The following HERC4 variants were observed in gnomAD, a reference collection of about 807,000 sequenced individuals.
HERC4 encodes probable E3 ubiquitin-protein ligase HERC4.
Under a neutral mutation model 124.3 loss-of-function variants are expected in HERC4, and 28 were observed. That is an observed-to-expected ratio of 0.23 (90% CI 0.17 to 0.31). The LOEUF is 0.31. HERC4 is among the 10% of genes least tolerant of loss of function. The pLI is 1.00. For missense variants in HERC4, 713 were observed against 1,229.3 expected, an observed-to-expected ratio of 0.58 and a Z score of 6.28; for synonymous variants, 407 against 421.5, an observed-to-expected ratio of 0.97 and a Z score of 0.42.
chr10:67,944,966 T>A (rs954909268), intron 19 of HERC4, among the ~76,000 whole-genome samples: 3 of 152,048 alleles, frequency 2.0e-5, no homozygotes, highest in Admixed American at 6.6e-5. Context: ...GAGAATCGCC[T>A]CAAAAGGGCA....
At chr10:68,059,282 T>C (rs1002107730) in intron 3 of HERC4, among the ~76,000 whole-genome samples, 2 of 151,228 alleles carry the variant, frequency 1.3e-5, no homozygotes, top group Non-Finnish European at 2.9e-5. Flanking sequence ...TAGAGAAAAT[T>C]GACGGGTTGA....
In HERC4 at chr10:67,941,947, T is replaced by C. The variant is rs1012977956; in HGVS notation, c.2338-842A>G. ...CTGGGATTACAGGCGTGAGCCACCGTGCCTGGCCAAAACATGACTTTTTAA... is the reference window on the plus strand; with the variant it reads ...CTGGGATTACAGGCGTGAGCCACCGCGCCTGGCCAAAACATGACTTTTTAA... On this transcript the variant is annotated intron_variant, in intron 19 of 24. Transcript: ENST00000373700. 3.9e-5 allele frequency among the ~76,000 whole-genome samples: 6 copies of C among 152,216 alleles called. 1 individual carries two copies. Among genetic ancestry groups the C allele is most frequent in the Admixed American group, 3.9e-4 (6 of 15,278 alleles).
At chr10:68,007,575 CGTACTTGTTT>C (rs2037648505) in intron 9 of HERC4, 1 of 152,058 alleles carries the variant, frequency 6.6e-6, no homozygotes, top group African/African-American at 2.4e-5. Flanking sequence ...CTTTGCAGTC[CGTACTTGTTT>C]GTACCTGAAC....
intron 24 of HERC4, among the ~76,000 whole-genome samples, chr10:67,924,433 TCCTAGGCTACAAAC>T (rs988785618): frequency 5.9e-5 from 9 of 152,196 alleles, no homozygotes; most frequent in Admixed American, 1.3e-4. Flanking sequence ...GCCCTATTGC[TCCTAGGCTACAAAC>T]CTGTACAGCA....
At chr10:68,063,138 A>T (rs1201421567) in intron 3 of HERC4, among the ~76,000 whole-genome samples, 1 of 152,122 alleles carries the variant, frequency 6.6e-6, no homozygotes, top group Non-Finnish European at 1.5e-5. Context: ...TTTGTTTTCT[A>T]TTCCCTACTA....
chr10:67,939,628 G>A lies in HERC4; in HGVS notation c.2531C>T (p.Pro844Leu). The change falls in exon 21 of 25, where the codon CCA becomes CTA. Residue 844 changes from proline (P) to leucine (L), a missense_variant. By Grantham distance (98) the Pro-to-Leu change is moderately conservative. Transcript: ENST00000373700. ...AAATGTTTCCTCTATGTCATCTTCT[G>A]GATAATCCAGTAACTGTTGCATGCT... ...GRSMQQLLDY[P>L]EDDIEETFCL... is the part of the protein sequence containing the mutation. 1 of 1,607,088 alleles carries A rather than the reference G, an allele frequency of 6.2e-7. No homozygotes were observed. The highest frequency in any genetic ancestry group is 8.5e-7 in the Non-Finnish European group (1 of 1,176,768).
intron 9 of HERC4, chr10:67,994,781 G>A (rs943347770): frequency 2.6e-5 from 4 of 152,106 alleles, no homozygotes; most frequent in African/African-American, 9.8e-5. Context: ...GGGTTGGAGT[G>A]CAGTGGCATG....
chr10:67,948,856 G>C (rs1589156809), intron 19 of HERC4, among the ~76,000 whole-genome samples: 1 of 152,180 alleles, frequency 6.6e-6, no homozygotes, highest in East Asian at 1.9e-4. Flanking sequence ...GGGAGGCAGA[G>C]GTTGCAGTGA....
chr10:67,946,992 AAGAG>A (rs928465682), intron 19 of HERC4, among the ~76,000 whole-genome samples: 5 of 151,756 alleles, frequency 3.3e-5, no homozygotes, highest in Admixed American at 1.3e-4. Flanking sequence ...ATTACCGCTA[AAGAG>A]AGAGAGAGAG....
intron 22 of HERC4, among the ~76,000 whole-genome samples, chr10:67,933,777 T>C (rs2032073361): frequency 6.6e-6 from 1 of 152,200 alleles, no homozygotes. Flanking sequence ...GTTCTTATTC[T>C]AAGTATCTTA....
chr10:67,997,942 G>T (rs549147964), intron 9 of HERC4, among the ~76,000 whole-genome samples: 1 of 151,974 alleles, frequency 6.6e-6, no homozygotes, highest in Non-Finnish European at 1.5e-5. Flanking sequence ...TCGCTCTGTC[G>T]CCAGGCTGGA....
Position 67,959,644 on chromosome 10 carries a change from A to AC in HERC4, c.1927-2669dup, listed in dbSNP as rs1173081205. 4.6e-5 allele frequency among the ~76,000 whole-genome samples: 7 copies of AC among 151,888 alleles called. No homozygotes were observed. In the South Asian group the frequency reaches 1.2e-3, roughly 27 times the overall value. On this transcript the variant is annotated intron_variant, in intron 16 of 24. Coordinates refer to ENST00000373700, the MANE Select transcript of HERC4 (RefSeq NM_015601.4). ...TTGTTTTTATTTGACAGAAAAAAAAACAGTAAAACATAAGGTATCTTACAT... is the reference window on the plus strand; with the variant it reads ...TTGTTTTTATTTGACAGAAAAAAAAACCAGTAAAACATAAGGTATCTTACAT...
At chr10:67,996,568 C>T (rs1446050470) in intron 9 of HERC4, among the ~76,000 whole-genome samples, 1 of 152,088 alleles carries the variant, frequency 6.6e-6, no homozygotes, top group African/African-American at 2.4e-5. Context: ...GGGTTAAAAT[C>T]ATTAATACTT....
chr10:68,069,208 A>C, intron 3 of HERC4: 1 of 961,172 alleles, frequency 1.0e-6, no homozygotes, highest in Non-Finnish European at 1.2e-6. Flanking sequence ...CTGAATTTGA[A>C]AGTATAAAAA....
intron 24 of HERC4, among the ~76,000 whole-genome samples, chr10:67,923,595 A>C (rs972938679): frequency 2.0e-5 from 3 of 151,874 alleles, no homozygotes; most frequent in African/African-American, 4.8e-5. Flanking sequence ...AGTCTTGCTC[A>C]GTTGCCCAGG....
At chr10:67,979,039 A>G (rs1380021704) in intron 15 of HERC4, among the ~76,000 whole-genome samples, 4 of 152,284 alleles carry the variant, frequency 2.6e-5, no homozygotes, top group African/African-American at 9.6e-5. Flanking sequence ...CGAAGACTAC[A>G]ATAAATACGT....
intron 3 of HERC4, among the ~76,000 whole-genome samples, chr10:68,063,647 AC>A (rs2041148376): frequency 6.6e-6 from 1 of 152,200 alleles, no homozygotes; most frequent in African/African-American, 2.4e-5. Context: ...AAATAAATAA[AC>A]AGAGGTAGGT....
intron 3 of HERC4, among the ~76,000 whole-genome samples, chr10:68,057,017 A>G (rs1340519229): frequency 1.3e-5 from 2 of 152,218 alleles, no homozygotes; most frequent in Non-Finnish European, 2.9e-5. Flanking sequence ...TTGACAGATA[A>G]AGATAGCTAA....
intron 19 of HERC4, among the ~76,000 whole-genome samples, chr10:67,947,287 T>C (rs1297197176): frequency 6.6e-6 from 1 of 152,228 alleles, no homozygotes; most frequent in Non-Finnish European, 1.5e-5. Flanking sequence ...AAACAGTTAT[T>C]CCATGTAAAT....
Sources: gnomAD v4.1 joint callset for allele counts (sites outside exome capture counted in the v4.1 genomes callset) on GRCh38, gnomAD v4.1.1 for gene constraint, MANE v1.5 for transcripts, NCBI Gene and HGNC (gene_info 2026-07-23, HGNC 2026-07-21) for gene names.